The following MRPS27 variants were observed in gnomAD, a reference collection of about 807,000 sequenced individuals.
The protein encoded by MRPS27 is small ribosomal subunit protein mS27.
A neutral mutation model predicts 48.9 loss-of-function variants in MRPS27; 43 were observed. The ratio of observed to expected loss-of-function variants is 0.88; its 90% CI spans 0.69 to 1.13. The LOEUF (loss-of-function observed/expected upper bound fraction) is 1.13. Among genes scored for constraint, MRPS27 ranks in the 50% most tolerant of loss-of-function variants. The pLI is 0.00. For synonymous variants in MRPS27, 188 were observed against 171.9 expected (o/e 1.09, Z -0.73); for missense variants, 467 against 476.3 (o/e 0.98, Z 0.18).
At chr5:72,314,380 A>T (rs1445563221) in intron 1 of MRPS27, 1 of 372,670 alleles carries the variant, frequency 2.7e-6, no homozygotes, top group Non-Finnish European at 4.9e-6. Context: ...GATTTTCACA[A>T]TAATTTTTTA....
At position 72,277,853 on chromosome 5, in the gene MRPS27, A is replaced by G. The variant is rs534862012; in HGVS notation, c.281+17678T>C. 7.2e-5 allele frequency among the ~76,000 whole-genome samples: 11 copies of G among 152,160 alleles called. No individual in the cohort carries two copies. In the South Asian group the frequency reaches 2.1e-3, roughly 29 times the overall value. ...CTAACCCAGGAACAGAAAATCAAAC[A>G]CCGCATGCTCTCATAAGTGGGAGCT... On this transcript the variant is annotated intron_variant, in intron 4 of 10. Coordinates refer to ENST00000261413, the MANE Select transcript of MRPS27 (RefSeq NM_015084.3).
intron 4 of MRPS27, among the ~76,000 whole-genome samples, chr5:72,264,196 T>G (rs998853950): frequency 6.6e-6 from 1 of 152,106 alleles, no homozygotes; most frequent in Non-Finnish European, 1.5e-5. Context: ...GGGAAATTCA[T>G]AGAAACAAAA....
intron 9 of MRPS27, among the ~76,000 whole-genome samples, chr5:72,224,621 T>A (rs533466666): frequency 3.5e-4 from 53 of 151,970 alleles, no homozygotes; most frequent in Non-Finnish European, 6.0e-4. Flanking sequence ...CAGGCAAGGG[T>A]CCCCCTCAGA....
chr5:72,240,696 C>T (rs1285574306), intron 4 of MRPS27, among the ~76,000 whole-genome samples: 1 of 152,316 alleles, frequency 6.6e-6, no homozygotes, highest in African/African-American at 2.4e-5. Flanking sequence ...AGCCTAGTTT[C>T]AGACCTTCAA....
At chr5:72,283,679 G>A (rs566118188) in intron 4 of MRPS27, among the ~76,000 whole-genome samples, 35 of 152,206 alleles carry the variant, frequency 2.3e-4, no homozygotes, top group African/African-American at 7.9e-4. Context: ...GTCCAAGTAT[G>A]GTCAAGTAGG....
intron 4 of MRPS27, among the ~76,000 whole-genome samples, chr5:72,280,174 T>C (rs1202696957): frequency 6.6e-6 from 1 of 152,200 alleles, no homozygotes; most frequent in Non-Finnish European, 1.5e-5. Context: ...TTTATGTTAG[T>C]CTTCTTAAAA....
chr5:72,277,611 A>T (rs1017432757), intron 4 of MRPS27, among the ~76,000 whole-genome samples: 5 of 152,160 alleles, frequency 3.3e-5, no homozygotes, highest in Admixed American at 3.3e-4. Flanking sequence ...TCAAAAAAAA[A>T]GAAAAGAAAA....
intron 3 of MRPS27, among the ~76,000 whole-genome samples, chr5:72,295,838 T>C (rs1044019397): frequency 6.6e-6 from 1 of 152,202 alleles, no homozygotes; most frequent in Non-Finnish European, 1.5e-5. Flanking sequence ...AGAAAACGGA[T>C]TGAAAGCCAA....
At chr5:72,320,100 C>T (rs756995165) in intron 1 of MRPS27, 49 bp downstream of exon 1, 11 of 1,581,118 alleles carry the variant, frequency 7.0e-6, no homozygotes, top group Admixed American at 1.7e-5. Context: ...CCGCTCCCTT[C>T]ACCCAAAAAA....
At chr5:72,261,987 G>A (rs559149461) in intron 4 of MRPS27, among the ~76,000 whole-genome samples, 1 of 152,156 alleles carries the variant, frequency 6.6e-6, no homozygotes, top group African/African-American at 2.4e-5. Flanking sequence ...CAGGATAAAT[G>A]CAAATTACAT....
intron 4 of MRPS27, among the ~76,000 whole-genome samples, chr5:72,271,429 C>T (rs1749238534): frequency 1.3e-5 from 2 of 152,090 alleles, no homozygotes; most frequent in African/African-American, 4.8e-5. Context: ...AATGCCTACA[C>T]TGAAATTTAT....
Position 72,238,124 on chromosome 5 carries a change from G to GA in MRPS27, c.285dup (p.Arg96SerfsTer19). On this transcript the variant is annotated frameshift_variant, in exon 5 of 11. Transcript: ENST00000261413. LOFTEE classifies it high-confidence loss of function. ...AGGTACCAGCAGTTGGGGCTGTGTCGAAACCTAAATAAGCACAAGAAGAGA... is the reference window on the plus strand; with the variant it reads ...AGGTACCAGCAGTTGGGGCTGTGTCGAAAACCTAAATAAGCACAAGAAGAGA... 2 of 1,611,218 alleles carry GA rather than the reference G, an allele frequency of 1.2e-6. No homozygotes were observed. Among genetic ancestry groups the GA allele is most frequent in the Non-Finnish European group, 1.7e-6 (2 of 1,177,672 alleles).
In MRPS27 at chr5:72,288,298, C is replaced by T. The variant is rs376593725; in HGVS notation, c.281+7233G>A. Among the ~76,000 whole-genome samples the T allele has an allele frequency of 2.1e-4, 32 of 151,968 alleles. No homozygotes were observed. The East Asian group carries it at 2.9e-3, about 14-fold the overall frequency. ...TCTCGGCTCACTGCAAGCTCCGCCT[C>T]CTGGGTTCATGCCGTTCTCCCGCCT... On this transcript the variant is annotated intron_variant, in intron 4 of 10. Transcript: ENST00000261413.
At chr5:72,247,438 A>T (rs1748537583) in intron 4 of MRPS27, among the ~76,000 whole-genome samples, 1 of 152,258 alleles carries the variant, frequency 6.6e-6, no homozygotes, top group African/African-American at 2.4e-5. Context: ...GCAACCATTC[A>T]GTCCACAGCT....
At chr5:72,299,615 G>C (rs1266431488) in intron 2 of MRPS27, among the ~76,000 whole-genome samples, 1 of 152,192 alleles carries the variant, frequency 6.6e-6, no homozygotes, top group East Asian at 1.9e-4. Flanking sequence ...CAGCACTCTG[G>C]TTATCCTTAA....
At chr5:72,295,820 C>A (rs758344968) in intron 3 of MRPS27, among the ~76,000 whole-genome samples, 3 of 152,146 alleles carry the variant, frequency 2.0e-5, no homozygotes, top group Non-Finnish European at 4.4e-5. Flanking sequence ...TGTAGAATAA[C>A]CTTGATCAGA....
At chr5:72,264,911 C>T (rs777443254) in intron 4 of MRPS27, among the ~76,000 whole-genome samples, 1 of 152,110 alleles carries the variant, frequency 6.6e-6, no homozygotes, top group African/African-American at 2.4e-5. Context: ...ATGGAAAAAA[C>T]AACGGAGGAA....
chr5:72,303,627 A>G (rs1326206201), intron 2 of MRPS27, among the ~76,000 whole-genome samples: 1 of 152,166 alleles, frequency 6.6e-6, no homozygotes, highest in Non-Finnish European at 1.5e-5. Flanking sequence ...AAAGAAAGAA[A>G]CAACTATACT....
intron 4 of MRPS27, chr5:72,288,893 C>T (rs1470332147): frequency 1.3e-5 from 2 of 152,254 alleles, no homozygotes; most frequent in African/African-American, 4.8e-5. Context: ...ATGCTGTTCC[C>T]TCTTAATAAT....
Sources: gnomAD v4.1 joint callset for allele counts (sites outside exome capture counted in the v4.1 genomes callset) on GRCh38, gnomAD v4.1.1 for gene constraint, MANE v1.5 for transcripts, NCBI Gene and HGNC (gene_info 2026-07-23, HGNC 2026-07-21) for gene names.